The following F10 variants were observed in gnomAD, a reference collection of about 807,000 sequenced individuals.
F10 encodes the protein Stuart-Prower factor.
A neutral mutation model predicts 37.1 loss-of-function variants in F10; 29 were observed. That is an observed-to-expected ratio of 0.78 (90% confidence interval 0.58 to 1.07). The LOEUF (loss-of-function observed/expected upper bound fraction) is 1.07. F10 is among the 50% of genes least tolerant of loss of function. F10 has a pLI of 0.00. For synonymous variants in F10, 262 were observed against 268.6 expected, an observed-to-expected ratio of 0.98 and a Z score of 0.24; for missense variants, 539 against 667.9, an observed-to-expected ratio of 0.81 and a Z score of 2.13.
At chr13:113,147,749 C>T (rs892904010) in intron 7 of F10, among the ~76,000 whole-genome samples, 11 of 152,064 alleles carry the variant, frequency 7.2e-5, no homozygotes, top group African/African-American at 2.4e-4. Flanking sequence ...CTCGGGTCTC[C>T]GAGTCTCTGG....
In F10 at chr13:113,143,736, G is replaced by C; in HGVS notation, c.503-115G>C. 2 of 1,489,554 alleles carry C rather than the reference G, an allele frequency of 1.3e-6. No individual in the cohort carries two copies. Among genetic ancestry groups the C allele is most frequent in the African/African-American group, 1.4e-5 (1 of 71,826 alleles). The allele number at this position is 1,489,554 out of a possible 1,614,324, so 92.3% of individuals were successfully genotyped here. ...GCCCTGCAAGCCCGCTGCCCCTCCG[G>C]GTGCCCCTGCGCTCTGCCTCCCGGC... On this transcript the variant is annotated intron_variant, in intron 5 of 7. Transcript: ENST00000375559. This position sits in a 1 kb window ranked among gnomAD's most constrained non-coding sequence, Gnocchi z 6.8.
rs1394495112 is a variant in F10, at chr13:113,143,902, C to A, written c.554C>A (p.Ala185Asp). The A allele has an allele frequency of 9.3e-6, 15 of 1,613,204 alleles. No homozygotes were observed. In the Admixed American group the frequency reaches 2.0e-4, roughly 22 times the overall value. Residue 185 changes from alanine to aspartate, a missense_variant, in exon 6 of 8, where the codon GCC (alanine) becomes GAC (aspartate). Ala to Asp is a moderately radical substitution (Grantham distance 126). Transcript: ENST00000375559. The surrounding 1 kb of genome is among the most constrained non-coding windows in gnomAD (Gnocchi z 6.8). ...CTGGAACGCAGGAAGAGGTCAGTGG[C>A]CCAGGCCACCAGCAGCAGCGGGGAG... is the stretch of plus-strand genomic sequence containing the variant. ...QTLERRKRSV[A>D]QATSSSGEAP...
chr13:113,137,146 C>A (rs2036486719), intron 2 of F10, among the ~76,000 whole-genome samples: 1 of 152,156 alleles, frequency 6.6e-6, no homozygotes, highest in African/African-American at 2.4e-5. Context: ...GCTGGGTGTA[C>A]CCATACAATA....
At chr13:113,148,268 T>A (rs531179364) in intron 7 of F10, among the ~76,000 whole-genome samples, 3 of 149,216 alleles carry the variant, frequency 2.0e-5, no homozygotes, top group Non-Finnish European at 3.0e-5. Context: ...GAGGTGGAGG[T>A]TGCAGTGAGC....
intron 1 of F10, among the ~76,000 whole-genome samples, chr13:113,123,910 G>T (rs2036345445): frequency 6.6e-6 from 1 of 152,166 alleles, no homozygotes; most frequent in South Asian, 2.1e-4. Context: ...GTACTGTGTG[G>T]CTCCAACTCG....
rs1003045211 is a variant in F10 at position 113,143,573 on chromosome 13, G to A, written c.503-278G>A. Among the ~76,000 whole-genome samples, 8 of 152,064 alleles carry A rather than the reference G, an allele frequency of 5.3e-5. No individual in the cohort carries two copies. The highest frequency in any genetic ancestry group is 1.9e-4 in the African/African-American group (8 of 41,396). The stretch of plus-strand genomic sequence containing the variant: ...TTCTTGGTGCATTTTCAGGCAAACC[G>A]CAGACGCCAACACTCCCCTCGCTGC... On this transcript the variant is annotated intron_variant, in intron 5 of 7. Coordinates refer to ENST00000375559, the MANE Select transcript of F10 (RefSeq NM_000504.4). The surrounding 1 kb of genome is among the most constrained non-coding windows in gnomAD (Gnocchi z 6.8).
At position 113,141,007 on chromosome 13, in the gene F10, C is replaced by T. The variant is rs562748273; in HGVS notation, c.459C>T (p.Arg153=). 1.1e-5 allele frequency: 17 copies of T among 1,613,974 alleles called. No individual in the cohort carries two copies. Among genetic ancestry groups the T allele is most frequent in the Non-Finnish European group, 1.4e-5 (16 of 1,180,060 alleles). ...ACTCTGTGGTGTGCTCCTGCGCCCG[C>T]GGGTACACCCTGGCTGACAACGGCA... ...EQNSVVCSCA[R]GYTLADNGKA... The change falls in exon 5 of 8, where the codon CGC becomes CGT. Residue 153 remains arginine (R), a synonymous_variant. Transcript: ENST00000375559. This position sits in a 1 kb window ranked among gnomAD's most constrained non-coding sequence, Gnocchi z 5.4.
At chr13:113,145,881 G>T (rs1352842548) in intron 6 of F10, among the ~76,000 whole-genome samples, 1 of 152,162 alleles carries the variant, frequency 6.6e-6, no homozygotes, top group African/African-American at 2.4e-5. Flanking sequence ...GGGAAATATG[G>T]GAGCTACAGT....
At position 113,136,945 on chromosome 13, in the gene F10, C is replaced by A. The variant is rs369752069; in HGVS notation, c.232-1512C>A. On this transcript the variant is annotated intron_variant, in intron 2 of 7. Transcript: ENST00000375559. Reference sequence around the variant, plus strand: ...GATTACAGGCGTGAGCCACCGCGCCCGGCCAATTCTTGTACTTTTAGTAGA... The same window carrying A: ...GATTACAGGCGTGAGCCACCGCGCCAGGCCAATTCTTGTACTTTTAGTAGA... Among the ~76,000 whole-genome samples, 2 of 7,894 alleles carry A rather than the reference C, an allele frequency of 2.5e-4. 1 individual carries two copies. The allele number at this position is 7,894 out of a possible 152,430, so 5.2% of individuals were successfully genotyped here. A position where few individuals can be genotyped will look rare whatever the true frequency, so the allele number is the denominator to read the frequency against.
chr13:113,141,078 C>A lies in F10; in HGVS notation c.502+28C>A, dbSNP rs756272702. The A allele has an allele frequency of 2.5e-6, 4 of 1,611,880 alleles. 1 individual carries two copies. In the South Asian group the frequency reaches 4.4e-5, roughly 18 times the overall value. The stretch of plus-strand genomic sequence containing the variant: ...AGGAGGCACGTTGGGCCACAGCCAC[C>A]CGCTGCCGCTGGGCCGGGCCAGGGA... On this transcript the variant is annotated intron_variant, in intron 5 of 7. Transcript: ENST00000375559. This position sits in a 1 kb window ranked among gnomAD's most constrained non-coding sequence, Gnocchi z 5.4.
chr13:113,140,479 C>T (rs568203056), intron 4 of F10: 6 of 472,054 alleles, frequency 1.3e-5, no homozygotes, highest in East Asian at 6.9e-5. Context: ...AGTCCGCAGT[C>T]GCCTCCCTGG....
intron 7 of F10, among the ~76,000 whole-genome samples, chr13:113,148,345 A>AAAAAT (rs1300922846): frequency 6.3e-5 from 6 of 95,414 alleles, no homozygotes; most frequent in African/African-American, 2.0e-4. Context: ...AAAAAAAAAA[A>AAAAAT]ATATATATAT....
At chr13:113,134,814 T>A (rs1043332635) in intron 2 of F10, among the ~76,000 whole-genome samples, 1 of 152,242 alleles carries the variant, frequency 6.6e-6, no homozygotes, top group African/African-American at 2.4e-5. Context: ...TATATACTTA[T>A]ATGTAAAGCT....
chr13:113,143,701 G>T lies in F10; in HGVS notation c.503-150G>T. On this transcript the variant is annotated intron_variant, in intron 5 of 7. Transcript: ENST00000375559. The surrounding 1 kb of genome is among the most constrained non-coding windows in gnomAD (Gnocchi z 6.8). ...TGCAGATCCGACCCCTGCCGACGACGTGGGGCCTCGCCCTGCAAGCCCGCT... is the reference window on the plus strand; with the variant it reads ...TGCAGATCCGACCCCTGCCGACGACTTGGGGCCTCGCCCTGCAAGCCCGCT... 9.5e-6 allele frequency: 11 copies of T among 1,157,438 alleles called. No homozygotes were observed. In the Admixed American group the frequency reaches 9.7e-5, roughly 10 times the overall value. 71.7% of individuals were successfully genotyped at this position (1,157,438 alleles called of 1,614,324 possible).
At chr13:113,126,836 G>C (rs1398150881) in intron 1 of F10, among the ~76,000 whole-genome samples, 1 of 152,186 alleles carries the variant, frequency 6.6e-6, no homozygotes, top group Non-Finnish European at 1.5e-5. Context: ...GAGAGCCAGA[G>C]GCCCCAAGGG....
In F10 at chr13:113,139,472, T is replaced by C. The variant is rs769649573; in HGVS notation, c.370+2T>C. 1.2e-6 allele frequency: 2 copies of C among 1,610,622 alleles called. No homozygotes were observed. Among genetic ancestry groups the C allele is most frequent in the Non-Finnish European group, 1.7e-6 (2 of 1,176,962 alleles). On this transcript the variant is annotated splice_donor_variant, in intron 4 of 7. Coordinates refer to ENST00000375559, the MANE Select transcript of F10 (RefSeq NM_000504.4). LOFTEE classifies it high-confidence loss of function. The surrounding 1 kb of genome is among the most constrained non-coding windows in gnomAD (Gnocchi z 5.2). ...TCGAAGGCAAAAACTGTGAATTATG[T>C]AGGTTCCTCTGCTTGGTATACCTTC...
chr13:113,134,992 G>T (rs1411848987), intron 2 of F10, among the ~76,000 whole-genome samples: 4 of 152,116 alleles, frequency 2.6e-5, no homozygotes, highest in African/African-American at 9.7e-5. Context: ...TGTAATCCCA[G>T]CACTTTGGGA....
In F10 at chr13:113,139,534, G is replaced by T. The variant is rs1240395693; in HGVS notation, c.370+64G>T. 6.9e-6 allele frequency: 9 copies of T among 1,312,008 alleles called. No homozygotes were observed. Among genetic ancestry groups the T allele is most frequent in the Non-Finnish European group, 9.9e-6 (9 of 909,852 alleles). 81.3% of individuals were successfully genotyped at this position (1,312,008 alleles called of 1,614,324 possible). On this transcript the variant is annotated intron_variant, in intron 4 of 7. Transcript: ENST00000375559. This position sits in a 1 kb window ranked among gnomAD's most constrained non-coding sequence, Gnocchi z 5.2. ...CCCTGAAGAGTGGCAGGTGGGCGGGGGAAGAAGTGAAAACGCCTAATGAAA... is the reference window on the plus strand; with the variant it reads ...CCCTGAAGAGTGGCAGGTGGGCGGGTGAAGAAGTGAAAACGCCTAATGAAA...
chr13:113,144,679 T>C lies in F10; in HGVS notation c.747+584T>C, dbSNP rs1404115589. On this transcript the variant is annotated intron_variant, in intron 6 of 7. Coordinates refer to ENST00000375559, the MANE Select transcript of F10 (RefSeq NM_000504.4). The surrounding 1 kb of genome is among the most constrained non-coding windows in gnomAD (Gnocchi z 6.4). The stretch of plus-strand genomic sequence containing the variant: ...ATAGTACCTTAGAGAAAAACACATC[T>C]ACTTATTTTCAAAGGTAAAAAAGAA... 1.3e-5 allele frequency among the ~76,000 whole-genome samples: 2 copies of C among 152,230 alleles called. No individual in the cohort carries two copies. Among genetic ancestry groups the C allele is most frequent in the Non-Finnish European group, 2.9e-5 (2 of 68,042 alleles).
Sources: allele counts gnomAD v4.1 joint callset (sites outside exome capture counted in the v4.1 genomes callset), GRCh38; gene constraint gnomAD v4.1.1; non-coding constraint Gnocchi (gnomAD v3.1); transcripts MANE v1.5; gene names NCBI Gene and HGNC (gene_info 2026-07-23, HGNC 2026-07-21).